The following HMGA1 variants were observed in gnomAD, a reference collection of about 807,000 sequenced individuals.
HMGA1 encodes high mobility group protein HMG-I/HMG-Y.
In HMGA1, 1 loss-of-function variant was observed where a neutral mutation model predicts 15.1. The observed-to-expected ratio is 0.07, with a 90% CI of 0.02 to 0.31. HMGA1 has a LOEUF of 0.31. Ranked by LOEUF, HMGA1 falls within the 10% of genes least tolerant of loss-of-function variation. The probability of loss-of-function intolerance (pLI) is 1.00; values close to 1 mark genes in which losing one functional copy is unlikely to be tolerated. For missense variants in HMGA1, 94 were observed against 141.4 expected, an observed-to-expected ratio of 0.66 and a Z score of 1.70; for synonymous variants, 56 against 54.8, an observed-to-expected ratio of 1.02 and a Z score of -0.10.
chr6:34,238,714 C>A (rs1385634513), intron 2 of HMGA1: 3 of 152,030 alleles, frequency 2.0e-5, no homozygotes, highest in South Asian at 4.1e-4. Context: ...GTGGAAAAGA[C>A]GAACGTTTCT....
intron 4 of HMGA1, 149 bp from the exon 5 acceptor site, chr6:34,243,319 C>G (rs1762451663): frequency 1.4e-6 from 1 of 707,344 alleles, no homozygotes. Flanking sequence ...GCTGGCCAGT[C>G]ATTGCCAGCT....
chr6:34,237,835 C>T (rs1414811060), intron 2 of HMGA1, among the ~76,000 whole-genome samples: 1 of 151,850 alleles, frequency 6.6e-6, no homozygotes, highest in African/African-American at 2.4e-5. Flanking sequence ...AAATTCGGCC[C>T]TACGCCCTCT....
intron 2 of HMGA1, among the ~76,000 whole-genome samples, chr6:34,237,985 G>A (rs1761950293): frequency 6.6e-6 from 1 of 152,148 alleles, no homozygotes; most frequent in Admixed American, 6.5e-5. Context: ...CCCACAAACT[G>A]GTTTCGCTGC....
chr6:34,241,414 G>A (rs1384304821), intron 3 of HMGA1, among the ~76,000 whole-genome samples: 9 of 152,362 alleles, frequency 5.9e-5, no homozygotes, highest in East Asian at 5.8e-4. Flanking sequence ...GGTGAGAAAC[G>A]GGTGCCTGCG....
At chr6:34,243,614 A>C in intron 5 of HMGA1, 96 bp downstream of exon 5, 1 of 1,025,970 alleles carries the variant, frequency 9.7e-7, no homozygotes, top group Non-Finnish European at 1.5e-6. Flanking sequence ...CCCTATGGAA[A>C]GGCTCTCCTT....
intron 4 of HMGA1, 56 bp downstream of exon 4, chr6:34,242,851 T>G: frequency 7.5e-7 from 1 of 1,336,176 alleles, no homozygotes; most frequent in African/African-American, 1.5e-5. Flanking sequence ...GATCCTCTTG[T>G]TGGCACCATG....
At chr6:34,238,836 A>C (rs1762052717) in intron 2 of HMGA1, 1 of 151,964 alleles carries the variant, frequency 6.6e-6, no homozygotes, top group Non-Finnish European at 1.5e-5. Context: ...ATGGTATGAG[A>C]GCTTCCAGGG....
At chr6:34,240,538 G>A in intron 2 of HMGA1, 199 bp from the exon 3 acceptor site, 3 of 524,212 alleles carry the variant, frequency 5.7e-6, no homozygotes, top group Non-Finnish European at 1.0e-5. Flanking sequence ...TAGATAAGAA[G>A]CTGATTAGGG....
At chr6:34,238,748 G>A (rs1475556132) in intron 2 of HMGA1, 1 of 152,070 alleles carries the variant, frequency 6.6e-6, no homozygotes, top group Non-Finnish European at 1.5e-5. Context: ...AAGGGCCTCG[G>A]GCCTTCATTT....
chr6:34,245,258 C>T lies in HMGA1; in HGVS notation c.*374C>T, dbSNP rs937401866. The T allele has an allele frequency of 5.1e-6, 7 of 1,377,148 alleles. No homozygotes were observed. In the Admixed American group the frequency reaches 1.1e-4, roughly 21 times the overall value. 85.3% of individuals were successfully genotyped at this position (1,377,148 alleles called of 1,614,324 possible). A position where few individuals can be genotyped will look rare whatever the true frequency, so the allele number is the denominator to read the frequency against. ...TCTGGGCTTTTGGTTTGGGGGCGCC[C>T]TCTCTGCTCCTTCACTGTTCCCTCT... On this transcript the variant is annotated 3_prime_UTR_variant, in exon 6 of 6. Transcript: ENST00000311487.
intron 2 of HMGA1, among the ~76,000 whole-genome samples, chr6:34,239,558 T>G (rs1001602667): frequency 6.6e-6 from 1 of 152,200 alleles, no homozygotes; most frequent in African/African-American, 2.4e-5. Context: ...TACCTTGATC[T>G]TACAGATTGA....
At position 34,245,049 on chromosome 6, in the gene HMGA1, G is replaced by T; in HGVS notation, c.*165G>T. On this transcript the variant is annotated 3_prime_UTR_variant, in exon 6 of 6. Transcript: ENST00000311487. The stretch of plus-strand genomic sequence containing the variant: ...TGTGCCCTCACCACCACACTACACA[G>T]CACACCAGCCGCTGCAGGGCTCCCA... 1 of 1,531,962 alleles carries T rather than the reference G, an allele frequency of 6.5e-7. No individual in the cohort carries two copies. 94.9% of individuals were successfully genotyped at this position (1,531,962 alleles called of 1,614,324 possible). A position where few individuals can be genotyped will look rare whatever the true frequency, so the allele number is the denominator to read the frequency against.
chr6:34,240,641 C>G, intron 2 of HMGA1, 96 bp from the exon 3 acceptor site: 3 of 1,004,054 alleles, frequency 3.0e-6, no homozygotes, highest in Admixed American at 2.0e-5. Context: ...CATGGGAGCA[C>G]AGTTTTCTGC....
At chr6:34,244,392 A>G (rs2127546940) in intron 5 of HMGA1, among the ~76,000 whole-genome samples, 1 of 152,030 alleles carries the variant, frequency 6.6e-6, no homozygotes, top group East Asian at 1.9e-4. Flanking sequence ...ACCACAGCAC[A>G]GCATCTGCCC....
At chr6:34,237,688 G>GGAGCCC (rs202228093) in intron 2 of HMGA1, among the ~76,000 whole-genome samples, 114,999 of 147,298 alleles carry the variant, frequency 0.78, 46,780 homozygotes, top group South Asian at 0.92. Flanking sequence ...CGCTGGAGCC[G>GGAGCCC]GAGCCCGAGC....
intron 4 of HMGA1, 65 bp from the exon 5 acceptor site, chr6:34,243,403 A>G (rs943262147): frequency 1.3e-5 from 16 of 1,271,998 alleles, no homozygotes; most frequent in South Asian, 2.4e-5. Context: ...CCCCATCACT[A>G]TTGGGCATCG....
Position 34,243,528 on chromosome 6 carries a change from G to A in HMGA1, c.270+10G>A, listed in dbSNP as rs200117591. The A allele has an allele frequency of 1.7e-5, 27 of 1,608,842 alleles. No homozygotes were observed. The African/African-American group carries it at 3.7e-4, about 22-fold the overall frequency. On this transcript the variant is annotated intron_variant, in intron 5 of 5. Transcript: ENST00000311487. ...CAGACCCAAAAAACTGGTAGGTGAA[G>A]AAGCAGACTGCTGCTTGCCTCCTGG...
intron 3 of HMGA1, 111 bp downstream of exon 3, chr6:34,241,026 G>A (rs550199410): frequency 6.7e-5 from 85 of 1,266,668 alleles, no homozygotes; most frequent in South Asian, 5.8e-4. Flanking sequence ...ATGATTCTGC[G>A]CAGTAAGCGT....
At chr6:34,242,938 A>G in intron 4 of HMGA1, 143 bp downstream of exon 4, 1 of 708,286 alleles carries the variant, frequency 1.4e-6, no homozygotes, top group Non-Finnish European at 2.6e-6. Context: ...CAGGGATGGC[A>G]GTGAGTCTTT....
Sources: allele counts gnomAD v4.1 joint callset (sites outside exome capture counted in the v4.1 genomes callset), GRCh38; gene constraint gnomAD v4.1.1; transcripts MANE v1.5; gene names NCBI Gene and HGNC (gene_info 2026-07-23, HGNC 2026-07-21).